The following DLG2 variants were observed in gnomAD, a reference collection of about 807,000 sequenced individuals.
DLG2 encodes the protein disks large homolog 2.
A neutral mutation model predicts 132.5 loss-of-function variants in DLG2; 45 were observed. That is an observed-to-expected ratio of 0.34 (90% confidence interval 0.27 to 0.44). The LOEUF (loss-of-function observed/expected upper bound fraction) is 0.44, where lower values mean the gene tolerates loss of function less well. Ranked by LOEUF, DLG2 falls within the 20% of genes least tolerant of loss-of-function variation. The pLI is 1.00. For synonymous variants in DLG2, 424 were observed against 419.6 expected (o/e 1.01, Z -0.13); for missense variants, 1,045 against 1,196.9 (o/e 0.87, Z 1.87).
chr11:83,753,807 ATATCATATATATATTTCATATATAT>A (rs2093466902), intron 18 of DLG2, among the ~76,000 whole-genome samples: 1 of 76,750 alleles, frequency 1.3e-5, no homozygotes, highest in Non-Finnish European at 2.3e-5. Context: ...TATATCATAT[ATATCATATATATATTTCATATATAT>A]ATGATATATA....
At chr11:84,502,273 T>G (rs1211685141) in intron 7 of DLG2, among the ~76,000 whole-genome samples, 3 of 59,850 alleles carry the variant, frequency 5.0e-5, no homozygotes, top group Non-Finnish European at 8.9e-5. Flanking sequence ...CTTCCTTCCT[T>G]CCTTCCTTCT....
At chr11:84,355,866 A>G (rs756325506) in intron 7 of DLG2, among the ~76,000 whole-genome samples, 66 of 152,148 alleles carry the variant, frequency 4.3e-4, no homozygotes, top group Non-Finnish European at 7.5e-4. Context: ...AGCATCTTGC[A>G]TAGTGTCCAA....
intron 18 of DLG2, among the ~76,000 whole-genome samples, chr11:83,739,052 GTTC>G (rs1321600066): frequency 6.6e-6 from 1 of 152,164 alleles, no homozygotes; most frequent in Non-Finnish European, 1.5e-5. Flanking sequence ...CCTTGTATTA[GTTC>G]TTCTCTCTTT....
At chr11:84,929,992 TAAGAG>T (rs1261073723) in intron 6 of DLG2, among the ~76,000 whole-genome samples, 2 of 152,094 alleles carry the variant, frequency 1.3e-5, no homozygotes, top group African/African-American at 4.8e-5. Context: ...CTCTTCTGGA[TAAGAG>T]AAAAGTCTAA....
chr11:84,617,675 C>A (rs1045733298), intron 6 of DLG2, among the ~76,000 whole-genome samples: 1 of 152,008 alleles, frequency 6.6e-6, no homozygotes, highest in African/African-American at 2.4e-5. Context: ...TGTTTTCATT[C>A]ATTCAACAAA....
At chr11:85,316,173 C>A (rs1247578184) in intron 3 of DLG2, among the ~76,000 whole-genome samples, 1 of 151,760 alleles carries the variant, frequency 6.6e-6, no homozygotes, top group Non-Finnish European at 1.5e-5. Context: ...GCAAATAGAT[C>A]AAATAAACTA....
intron 5 of DLG2, among the ~76,000 whole-genome samples, chr11:85,125,099 G>A (rs959595527): frequency 6.6e-6 from 1 of 152,230 alleles, no homozygotes; most frequent in East Asian, 1.9e-4. Flanking sequence ...CAAAGTGCTG[G>A]GATTACAGGC....
At chr11:84,573,170 T>G (rs2099489928) in intron 6 of DLG2, among the ~76,000 whole-genome samples, 1 of 152,170 alleles carries the variant, frequency 6.6e-6, no homozygotes, top group Admixed American at 6.6e-5. Context: ...CTAGTGGTAT[T>G]CAACATGTGG....
At chr11:83,590,881 G>C (rs1019847715) in intron 19 of DLG2, among the ~76,000 whole-genome samples, 32 of 151,556 alleles carry the variant, frequency 2.1e-4, no homozygotes, top group Non-Finnish European at 4.3e-4. Context: ...AAATAAACTA[G>C]AAAATCTAGA....
At chr11:84,091,739 G>A (rs76209706) in intron 10 of DLG2, among the ~76,000 whole-genome samples, 3,688 of 152,278 alleles carry the variant, frequency 0.024, 145 homozygotes, top group African/African-American at 0.083. Context: ...GTGACTCAGA[G>A]GAGTCCTCTA....
intron 4 of DLG2, among the ~76,000 whole-genome samples, chr11:85,278,342 G>T (rs1333708340): frequency 6.6e-6 from 1 of 152,148 alleles, no homozygotes; most frequent in Non-Finnish European, 1.5e-5. Flanking sequence ...GGTTGCTATA[G>T]AGATTAAGAG....
chr11:84,409,828 T>C (rs900890358), intron 7 of DLG2, among the ~76,000 whole-genome samples: 73 of 152,336 alleles, frequency 4.8e-4, no homozygotes, highest in African/African-American at 1.7e-3. Context: ...TTGTATGTTA[T>C]AAACGTAGCA....
intron 21 of DLG2, among the ~76,000 whole-genome samples, chr11:83,525,570 A>G (rs564431207): frequency 6.6e-6 from 1 of 152,286 alleles, no homozygotes; most frequent in Non-Finnish European, 1.5e-5. Context: ...AAGGCTTGGA[A>G]TAAGAAAAGT....
At chr11:83,514,923 G>T (rs555961659) in intron 21 of DLG2, among the ~76,000 whole-genome samples, 3 of 152,294 alleles carry the variant, frequency 2.0e-5, no homozygotes, top group Admixed American at 1.3e-4. Context: ...GCTGGATTCG[G>T]TTTGCTAGTA....
At chr11:83,888,771 G>A (rs1273892324) in intron 15 of DLG2, among the ~76,000 whole-genome samples, 1 of 152,086 alleles carries the variant, frequency 6.6e-6, no homozygotes, top group Non-Finnish European at 1.5e-5. Flanking sequence ...TAGATCAATG[G>A]AACAGAACAG....
At chr11:84,453,731 C>T (rs764219689) in intron 7 of DLG2, among the ~76,000 whole-genome samples, 7 of 151,576 alleles carry the variant, frequency 4.6e-5, no homozygotes, top group Non-Finnish European at 1.0e-4. Context: ...AATGAAGTAC[C>T]TTGTTGGGGG....
At chr11:84,492,631 A>G (rs1343538385) in intron 7 of DLG2, among the ~76,000 whole-genome samples, 1 of 152,170 alleles carries the variant, frequency 6.6e-6, no homozygotes, top group Non-Finnish European at 1.5e-5. Flanking sequence ...GAGTAGAATA[A>G]TGAATGTAAA....
rs141346423 is a variant in DLG2, at chr11:83,607,750, T to A, written c.1940+25461A>T. Among the ~76,000 whole-genome samples the A allele has an allele frequency of 3.0e-4, 46 of 152,354 alleles. No individual in the cohort carries two copies. The East Asian group carries it at 8.1e-3, about 27-fold the overall frequency. On this transcript the variant is annotated intron_variant, in intron 19 of 27. Transcript: ENST00000376104. ...CAGAAGAATGGATAAACAAATTGTA[T>A]TATATTCATGTAATGGAATAATACA...
intron 3 of DLG2, among the ~76,000 whole-genome samples, chr11:85,459,753 T>TG (rs1004597734): frequency 3.0e-4 from 46 of 152,272 alleles, no homozygotes; most frequent in African/African-American, 1.1e-3. Context: ...AGAGGGGTTG[T>TG]GGGCTGTCTC....
Sources: gnomAD v4.1 joint callset for allele counts (sites outside exome capture counted in the v4.1 genomes callset) on GRCh38, gnomAD v4.1.1 for gene constraint, MANE v1.5 for transcripts, NCBI Gene and HGNC (gene_info 2026-07-23, HGNC 2026-07-21) for gene names.